The following AGO2 variants were observed in gnomAD, a reference collection of about 807,000 sequenced individuals.
AGO2 encodes the protein argonaute RISC catalytic component 2, also known as protein argonaute-2.
In AGO2, 5 loss-of-function variants were observed where a neutral mutation model predicts 102.3. That is an observed-to-expected ratio of 0.05 (90% CI 0.03 to 0.10). The LOEUF is 0.10. Among genes scored for constraint, AGO2 ranks in the 10% least tolerant of loss-of-function variants. AGO2 has a pLI of 1.00. For missense variants in AGO2, 541 were observed against 1,183.7 expected (o/e 0.46, Z 7.97); for synonymous variants, 449 against 473.1 (o/e 0.95, Z 0.66).
intron 1 of AGO2, among the ~76,000 whole-genome samples, chr8:140,597,483 C>CCCCCCCCCCCCCCCCCCCCCG (rs2073865184): frequency 7.2e-6 from 1 of 138,234 alleles, no homozygotes; most frequent in African/African-American, 3.0e-5. Context: ...CACCCCCCCC[C>CCCCCCCCCCCCCCCCCCCCCG]CCCCGCCCCA....
intron 18 of AGO2, 41 bp from the exon 19 acceptor site, chr8:140,532,193 T>G: frequency 6.4e-7 from 1 of 1,562,196 alleles, no homozygotes; most frequent in Non-Finnish European, 8.8e-7. Flanking sequence ...ATGTGCAGCC[T>G]TAATGCACGA....
intron 1 of AGO2, among the ~76,000 whole-genome samples, chr8:140,614,015 CAAAAAAAAA>C (rs59000809): frequency 2.8e-4 from 16 of 57,650 alleles, no homozygotes; most frequent in Middle Eastern, 0.018. Context: ...GACCCTGTCT[CAAAAAAAAA>C]AAAAAAAAAA....
intron 2 of AGO2, among the ~76,000 whole-genome samples, chr8:140,583,595 C>T (rs1401074025): frequency 1.3e-5 from 2 of 152,156 alleles, no homozygotes; most frequent in African/African-American, 2.4e-5. Context: ...ATACCTAGGT[C>T]GGGCCCAGTG....
intron 1 of AGO2, among the ~76,000 whole-genome samples, chr8:140,630,852 C>A (rs530878921): frequency 6.6e-6 from 1 of 152,296 alleles, no homozygotes; most frequent in East Asian, 1.9e-4. Context: ...CAACACTCTG[C>A]GTAACAGCCT....
intron 17 of AGO2, among the ~76,000 whole-genome samples, chr8:140,533,773 C>T (rs962528236): frequency 2.0e-5 from 3 of 151,874 alleles, no homozygotes; most frequent in African/African-American, 7.3e-5. Flanking sequence ...CGCCACTGCA[C>T]TCCAGCCTGG....
chr8:140,620,536 T>A (rs1419805605), intron 1 of AGO2, among the ~76,000 whole-genome samples: 1 of 152,172 alleles, frequency 6.6e-6, no homozygotes, highest in African/African-American at 2.4e-5. Flanking sequence ...CACTTTTATG[T>A]ACATTTGAAT....
chr8:140,630,993 G>T (rs141643161), intron 1 of AGO2, among the ~76,000 whole-genome samples: 1 of 152,112 alleles, frequency 6.6e-6, no homozygotes, highest in Non-Finnish European at 1.5e-5. Context: ...GTTTGAGGCC[G>T]CAGTGAGCCA....
chr8:140,592,638 T>C (rs950617534), intron 1 of AGO2: 3 of 152,226 alleles, frequency 2.0e-5, no homozygotes, highest in African/African-American at 7.2e-5. Flanking sequence ...AAATAGTCTT[T>C]ACTGTTTGTT....
intron 3 of AGO2, among the ~76,000 whole-genome samples, chr8:140,569,955 C>T (rs62529969): frequency 0.014 from 2,162 of 152,266 alleles, 23 homozygotes; most frequent in Non-Finnish European, 0.023. Context: ...AGAACGATTC[C>T]GCTCTTACCA....
At chr8:140,600,022 C>T (rs568701921) in intron 1 of AGO2, among the ~76,000 whole-genome samples, 2 of 147,312 alleles carry the variant, frequency 1.4e-5, no homozygotes, top group African/African-American at 2.5e-5. Context: ...GTGCCCTGCC[C>T]TCTCATGATT....
At chr8:140,564,862 G>A (rs2073254765) in intron 3 of AGO2, among the ~76,000 whole-genome samples, 2 of 152,072 alleles carry the variant, frequency 1.3e-5, no homozygotes, top group Admixed American at 6.5e-5. Flanking sequence ...CCAGCTGGGC[G>A]CAGTGGCTCA....
chr8:140,597,028 T>A (rs945310291), intron 1 of AGO2, among the ~76,000 whole-genome samples: 6 of 152,148 alleles, frequency 3.9e-5, no homozygotes, highest in Non-Finnish European at 7.4e-5. Flanking sequence ...GGTGAACATG[T>A]TGTTTGAAAT....
At chr8:140,576,130 T>C (rs1445657887) in intron 2 of AGO2, among the ~76,000 whole-genome samples, 4 of 152,120 alleles carry the variant, frequency 2.6e-5, no homozygotes, top group African/African-American at 4.8e-5. Flanking sequence ...CTGGCCAATA[T>C]GGTGAAACCC....
At chr8:140,544,128 C>A in intron 14 of AGO2, 85 bp downstream of exon 14, 1 of 1,420,332 alleles carries the variant, frequency 7.0e-7, no homozygotes, top group Non-Finnish European at 9.3e-7. Flanking sequence ...TCAGGAAGGA[C>A]CCCTGGCCAC....
rs1235331883 is a variant in AGO2 at position 140,531,331 on chromosome 8, T to C, written c.*713A>G. The C allele has an allele frequency of 6.6e-6, 1 of 152,648 alleles. No individual in the cohort carries two copies. Among genetic ancestry groups the C allele is most frequent in the Non-Finnish European group, 1.5e-5 (1 of 68,076 alleles). The allele number at this position is 152,648 out of a possible 1,614,324, so 9.5% of individuals were successfully genotyped here. A position where few individuals can be genotyped will look rare whatever the true frequency, so the allele number is the denominator to read the frequency against. On this transcript the variant is annotated 3_prime_UTR_variant, in exon 19 of 19. Transcript: ENST00000220592. ...ATGATTAGACTGTCAGTATATTGTCTTTTTTCTTTTTTTAAATACATTTTT... is the reference window on the plus strand; with the variant it reads ...ATGATTAGACTGTCAGTATATTGTCCTTTTTCTTTTTTTAAATACATTTTT...
rs1241585375 is a variant in AGO2, at chr8:140,589,217, A to T, written c.23-3906T>A. 6.6e-6 allele frequency among the ~76,000 whole-genome samples: 1 copy of T among 152,228 alleles called. No homozygotes were observed. The highest frequency in any genetic ancestry group is 1.5e-5 in the Non-Finnish European group (1 of 68,032). ...GACAGGGATGGGGGAAAGTTGGTGC[A>T]TGAAGAATAAAGTGCAGGCCTGCCA... On this transcript the variant is annotated intron_variant, in intron 1 of 18. Transcript: ENST00000220592. The surrounding 1 kb of genome is among the most constrained non-coding windows in gnomAD (Gnocchi z 4.2).
intron 1 of AGO2, among the ~76,000 whole-genome samples, chr8:140,600,713 GT>G (rs1347860167): frequency 6.6e-6 from 1 of 150,754 alleles, no homozygotes; most frequent in East Asian, 1.9e-4. Context: ...CACGCTCTCT[GT>G]TTTCCCATTC....
At chr8:140,587,386 C>T (rs183388968) in intron 1 of AGO2, among the ~76,000 whole-genome samples, 4 of 152,352 alleles carry the variant, frequency 2.6e-5, no homozygotes, top group Admixed American at 2.6e-4. Flanking sequence ...AAAAGTTTTC[C>T]AGGCAGAGGG....
In AGO2 at chr8:140,560,414, G is replaced by A. The variant is rs140423429; in HGVS notation, c.615C>T (p.Ser205=). ...GREVWFGFHQ[S]VRPSLWKMML... is the part of the protein sequence containing the mutation. ...TCATTTTCCAGAGAGAAGGCCGGACGGACTGATGGAAGCCAAACCACACTT... is the reference window on the plus strand; with the variant it reads ...TCATTTTCCAGAGAGAAGGCCGGACAGACTGATGGAAGCCAAACCACACTT... Residue 205 remains serine (S), a synonymous_variant, in exon 5 of 19, where the codon TCC becomes TCT. Transcript: ENST00000220592. 1.4e-5 allele frequency: 22 copies of A among 1,614,110 alleles called. No homozygotes were observed. Among genetic ancestry groups the A allele is most frequent in the Admixed American group, 5.0e-5 (3 of 60,008 alleles).
Sources: allele counts gnomAD v4.1 joint callset (sites outside exome capture counted in the v4.1 genomes callset), GRCh38; gene constraint gnomAD v4.1.1; non-coding constraint Gnocchi (gnomAD v3.1); transcripts MANE v1.5; gene names NCBI Gene and HGNC (gene_info 2026-07-23, HGNC 2026-07-21).